Variants in ZNF141 observed in about 807,000 individuals in gnomAD.
ZNF141 encodes zinc finger protein 141 (clone pHZ-44).
ZNF141 carries 7 observed loss-of-function variants against 11.3 expected under a neutral mutation model. The ratio of observed to expected loss-of-function variants is 0.62; its 90% CI spans 0.35 to 1.16. The LOEUF is 1.16. Among genes scored for constraint, ZNF141 ranks in the 50% most tolerant of loss-of-function variants. ZNF141 has a pLI of 0.02. For synonymous variants in ZNF141, 183 were observed against 190.7 expected, an observed-to-expected ratio of 0.96 and a Z score of 0.33; for missense variants, 535 against 554.0, an observed-to-expected ratio of 0.97 and a Z score of 0.34.
Position 337,855 on chromosome 4 carries a change from T to C in ZNF141, c.-129T>C, listed in dbSNP as rs1460360134. 1 of 1,294,704 alleles carries C rather than the reference T, an allele frequency of 7.7e-7. No homozygotes were observed. Among genetic ancestry groups the C allele is most frequent in the Admixed American group, 1.7e-5 (1 of 57,842 alleles). 80.2% of individuals were successfully genotyped at this position (1,294,704 alleles called of 1,614,324 possible). A position where few individuals can be genotyped will look rare whatever the true frequency, so the allele number is the denominator to read the frequency against. On this transcript the variant is annotated 5_prime_UTR_variant, in exon 1 of 4. Coordinates refer to ENST00000240499, the MANE Select transcript of ZNF141 (RefSeq NM_003441.4). ...ACTACCAGACCGCGGGTTAGGGGCTTCATCTCTCTGCGTTCTCAGTTGTGG... is the reference window on the plus strand; with the variant it reads ...ACTACCAGACCGCGGGTTAGGGGCTCCATCTCTCTGCGTTCTCAGTTGTGG...
At chr4:350,420 A>G (rs1322706668) in intron 3 of ZNF141, among the ~76,000 whole-genome samples, 1 of 152,202 alleles carries the variant, frequency 6.6e-6, no homozygotes, top group Admixed American at 6.5e-5. Context: ...TGGCCTCAGG[A>G]TTTATCCTTA....
chr4:381,678 G>C lies in ZNF141; in HGVS notation c.*7816G>C, dbSNP rs1712625450. On this transcript the variant is annotated 3_prime_UTR_variant, in exon 4 of 4. Transcript: ENST00000240499. ...ACCCAGTCAGCCTCCCAAAGTGCTG[G>C]GATTACAGGCGTGAGCCACCATGCC... 2.0e-5 allele frequency among the ~76,000 whole-genome samples: 3 copies of C among 151,998 alleles called. No individual in the cohort carries two copies. The South Asian group carries it at 6.2e-4, about 32-fold the overall frequency.
At chr4:341,080 T>C (rs1402473555) in intron 1 of ZNF141, among the ~76,000 whole-genome samples, 1 of 152,120 alleles carries the variant, frequency 6.6e-6, no homozygotes, top group African/African-American at 2.4e-5. Context: ...TTCTTTTTTT[T>C]TTTTTTGAGA....
rs1280366622 is a variant in ZNF141, at chr4:382,081, G to C, written c.*8219G>C. ...CTGCCTCAGCCTCCCAAGTAGCTGGGACTACAGGCACCTGCTACCATGCCC... is the reference window on the plus strand; with the variant it reads ...CTGCCTCAGCCTCCCAAGTAGCTGGCACTACAGGCACCTGCTACCATGCCC... On this transcript the variant is annotated 3_prime_UTR_variant, in exon 4 of 4. Transcript: ENST00000240499. 2.1e-4 allele frequency among the ~76,000 whole-genome samples: 32 copies of C among 151,632 alleles called. No homozygotes were observed. Among genetic ancestry groups the C allele is most frequent in the Admixed American group, 2.1e-3 (32 of 15,238 alleles).
intron 1 of ZNF141, chr4:342,991 G>A: frequency 1.6e-6 from 2 of 1,219,024 alleles, no homozygotes; most frequent in Non-Finnish European, 2.4e-6. Flanking sequence ...TTCCTTGCGT[G>A]GTTAAAAAAG....
chr4:338,078 C>G, intron 1 of ZNF141, 92 bp downstream of exon 1: 1 of 1,559,024 alleles, frequency 6.4e-7, no homozygotes, highest in Admixed American at 1.7e-5. Context: ...GAACGGAGTC[C>G]CCGCTGCCGC....
chr4:372,631 A>T (rs1437350860), intron 3 of ZNF141, 33 bp from the exon 4 acceptor site: 3 of 1,445,748 alleles, frequency 2.1e-6, no homozygotes, highest in Non-Finnish European at 2.8e-6. Context: ...GAATCTACTA[A>T]GTGGGATAAT....
Position 379,606 on chromosome 4 carries a change from C to T in ZNF141, c.*5744C>T, listed in dbSNP as rs1358645109. On this transcript the variant is annotated 3_prime_UTR_variant, in exon 4 of 4. Coordinates refer to ENST00000240499, the MANE Select transcript of ZNF141 (RefSeq NM_003441.4). ...GCCAGGCTGGTCTCAAACTCCTGAC[C>T]CTGTGATCCTGCCACCTTGGCCTCC... 6.6e-6 allele frequency among the ~76,000 whole-genome samples: 1 copy of T among 152,110 alleles called. No homozygotes were observed. Among genetic ancestry groups the T allele is most frequent in the Non-Finnish European group, 1.5e-5 (1 of 68,024 alleles).
intron 3 of ZNF141, among the ~76,000 whole-genome samples, chr4:370,020 C>A (rs144115692): frequency 2.6e-5 from 4 of 151,616 alleles, no homozygotes; most frequent in African/African-American, 9.7e-5. Flanking sequence ...CTGCCTCAGC[C>A]GCTCAAAGTG....
In ZNF141 at chr4:376,513, A is replaced by G. The variant is rs186984273; in HGVS notation, c.*2651A>G. On this transcript the variant is annotated 3_prime_UTR_variant, in exon 4 of 4. Transcript: ENST00000240499. ...TGTACAATTATGATTGTAGTATTAT[A>G]TCAGTATAATTATAATTCATACATT... Among the ~76,000 whole-genome samples the G allele has an allele frequency of 1.3e-5, 2 of 152,220 alleles. No homozygotes were observed. The highest frequency in any genetic ancestry group is 3.9e-4 in the East Asian group (2 of 5,180).
At chr4:361,367 A>G (rs1453901962) in intron 3 of ZNF141, among the ~76,000 whole-genome samples, 10 of 146,418 alleles carry the variant, frequency 6.8e-5, no homozygotes, top group Non-Finnish European at 1.1e-4. Context: ...TTTTTGTAAG[A>G]TGTGTCAGAA....
In ZNF141 at chr4:374,497, C is replaced by T; in HGVS notation, c.*635C>T. 3.9e-6 allele frequency: 1 copy of T among 255,876 alleles called. No individual in the cohort carries two copies. Among genetic ancestry groups the T allele is most frequent in the Non-Finnish European group, 8.2e-6 (1 of 122,266 alleles). The allele number at this position is 255,876 out of a possible 1,614,324, so 15.9% of individuals were successfully genotyped here. On this transcript the variant is annotated 3_prime_UTR_variant, in exon 4 of 4. Coordinates refer to ENST00000240499, the MANE Select transcript of ZNF141 (RefSeq NM_003441.4). The stretch of plus-strand genomic sequence containing the variant: ...GGCAAAGCCTTCAATAGGTTCTCAA[C>T]CCTTACTGTGCACAAGATAATTCAT...
intron 1 of ZNF141, among the ~76,000 whole-genome samples, chr4:339,511 G>A (rs1367534632): frequency 6.6e-6 from 1 of 152,204 alleles, no homozygotes; most frequent in African/African-American, 2.4e-5. Flanking sequence ...ACGTTAGTGA[G>A]TTCAAGACCA....
At chr4:356,124 A>T (rs58597776) in intron 3 of ZNF141, among the ~76,000 whole-genome samples, 1 of 151,094 alleles carries the variant, frequency 6.6e-6, no homozygotes, top group Non-Finnish European at 1.5e-5. Flanking sequence ...CCAGCTACTC[A>T]GGAGGCTGAG....
At position 341,136 on chromosome 4, in the gene ZNF141, C is replaced by T. The variant is rs186383787; in HGVS notation, c.4-2646C>T. ...AGGCTGGGGTGCAGTGGTGCGATCT[C>T]GGCTCACTGCAACCTCCGCCTCCCA... On this transcript the variant is annotated intron_variant, in intron 1 of 3. Transcript: ENST00000240499. 7.9e-5 allele frequency among the ~76,000 whole-genome samples: 12 copies of T among 151,418 alleles called. No individual in the cohort carries two copies. The East Asian group carries it at 1.9e-3, about 25-fold the overall frequency.
chr4:373,606 C>T lies in ZNF141; in HGVS notation c.1169C>T (p.Thr390Ile). The T allele has an allele frequency of 1.2e-6, 2 of 1,614,110 alleles. No individual in the cohort carries two copies. The highest frequency in any genetic ancestry group is 1.7e-6 in the Non-Finnish European group (2 of 1,179,988). Residue 390 changes from threonine (T) to isoleucine (I), a missense_variant, in exon 4 of 4, where the codon ACT (threonine) becomes ATT (isoleucine). Coordinates refer to ENST00000240499, the MANE Select transcript of ZNF141 (RefSeq NM_003441.4). ...RVLNEHKKIH[T>I]GEKPYKCEEC... is the part of the protein sequence containing the mutation. ...CTGAATGAACATAAAAAAATTCATACTGGAGAGAAACCCTACAAATGTGAA... is the reference window on the plus strand; with the variant it reads ...CTGAATGAACATAAAAAAATTCATATTGGAGAGAAACCCTACAAATGTGAA...
At chr4:340,384 A>G (rs1219145409) in intron 1 of ZNF141, among the ~76,000 whole-genome samples, 2 of 152,236 alleles carry the variant, frequency 1.3e-5, no homozygotes, top group African/African-American at 2.4e-5. Flanking sequence ...ATGACTTTTT[A>G]GGATAGCGAT....
In ZNF141 at chr4:381,527, G is replaced by T. The variant is rs1712616887; in HGVS notation, c.*7665G>T. On this transcript the variant is annotated 3_prime_UTR_variant, in exon 4 of 4. Coordinates refer to ENST00000240499, the MANE Select transcript of ZNF141 (RefSeq NM_003441.4). ...GGGTTCACACAATTTGCCTGCCTCA[G>T]CCCCCTGAGTAGCTGGGACTAACAG... is the stretch of plus-strand genomic sequence containing the variant. Among the ~76,000 whole-genome samples, 1 of 145,654 alleles carries T rather than the reference G, an allele frequency of 6.9e-6. No individual in the cohort carries two copies. Among genetic ancestry groups the T allele is most frequent in the African/African-American group, 2.6e-5 (1 of 39,176 alleles).
Position 373,810 on chromosome 4 carries a change from A to T in ZNF141, c.1373A>T (p.Lys458Ile). 6.2e-7 allele frequency: 1 copy of T among 1,613,930 alleles called. No homozygotes were observed. Among genetic ancestry groups the T allele is most frequent in the Non-Finnish European group, 8.5e-7 (1 of 1,179,852 alleles). The stretch of plus-strand genomic sequence containing the variant: ...CCCTACAAATGTAAAGATTGTGACA[A>T]AGCCTTTAAACGGTTCTCACACCTG... ...DKPYKCKDCD[K>I]AFKRFSHLNK... Residue 458 changes from lysine (K) to isoleucine (I), a missense_variant, in exon 4 of 4, where the codon AAA (lysine) becomes ATA (isoleucine). Lys to Ile is a moderately radical substitution (Grantham distance 102). Transcript: ENST00000240499.
Sources: gnomAD v4.1 joint callset for allele counts (sites outside exome capture counted in the v4.1 genomes callset) on GRCh38, gnomAD v4.1.1 for gene constraint, MANE v1.5 for transcripts, NCBI Gene and HGNC (gene_info 2026-07-23, HGNC 2026-07-21) for gene names.